The following ATRIP variants were observed in gnomAD, a reference collection of about 807,000 sequenced individuals.
The protein encoded by ATRIP is ATR interacting protein, also known as ATR-interacting protein.
ATRIP carries 44 observed loss-of-function variants against 78.1 expected under a neutral mutation model. The observed-to-expected ratio is 0.56, with a 90% CI of 0.44 to 0.72. The LOEUF (loss-of-function observed/expected upper bound fraction) is 0.72, where lower values mean the gene tolerates loss of function less well. Among genes scored for constraint, ATRIP ranks in the 30% least tolerant of loss-of-function variants. The pLI, the probability that ATRIP is intolerant of heterozygous loss-of-function variation, is 0.00. For synonymous variants in ATRIP, 388 were observed against 408.9 expected, an observed-to-expected ratio of 0.95 and a Z score of 0.62; for missense variants, 927 against 980.2, an observed-to-expected ratio of 0.95 and a Z score of 0.72.
chr3:48,454,902 A>T (rs13072012), intron 4 of ATRIP, among the ~76,000 whole-genome samples: 73,786 of 149,742 alleles, frequency 0.49, 19,387 homozygotes, highest in East Asian at 0.7. Context: ...TCGCTCTGTC[A>T]CCCAGGCTGG....
chr3:48,448,737 C>T (rs2039752592), intron 1 of ATRIP, among the ~76,000 whole-genome samples: 1 of 152,268 alleles, frequency 6.6e-6, no homozygotes, highest in Non-Finnish European at 1.5e-5. Context: ...ACTTGTCCTT[C>T]AGCTCTCAGC....
chr3:48,458,024 C>G lies in ATRIP; in HGVS notation c.829+608C>G, dbSNP rs539423117. Reference sequence around the variant, plus strand: ...TATCTCCTAATGCTATCCCTCCCCCCTCCTCCCAAGCTTATACCTTTTGAA... The same window carrying G: ...TATCTCCTAATGCTATCCCTCCCCCGTCCTCCCAAGCTTATACCTTTTGAA... On this transcript the variant is annotated intron_variant, in intron 5 of 12. Coordinates refer to ENST00000320211, the MANE Select transcript of ATRIP (RefSeq NM_130384.3). 2.0e-5 allele frequency among the ~76,000 whole-genome samples: 3 copies of G among 151,848 alleles called. No individual in the cohort carries two copies. In the East Asian group the frequency reaches 5.8e-4, roughly 29 times the overall value.
intron 1 of ATRIP, among the ~76,000 whole-genome samples, chr3:48,448,396 TC>T (rs2039741769): frequency 6.6e-6 from 1 of 152,176 alleles, no homozygotes; most frequent in African/African-American, 2.4e-5. Context: ...GCCAGGCTGG[TC>T]TCAAACTGCT....
At chr3:48,450,930 T>C (rs1429068378) in intron 2 of ATRIP, among the ~76,000 whole-genome samples, 1 of 151,678 alleles carries the variant, frequency 6.6e-6, no homozygotes, top group Non-Finnish European at 1.5e-5. Context: ...GGCTCACACC[T>C]GTAATCCCAG....
chr3:48,452,198 G>A (rs2039852232), intron 3 of ATRIP, among the ~76,000 whole-genome samples: 1 of 152,210 alleles, frequency 6.6e-6, no homozygotes, highest in African/African-American at 2.4e-5. Flanking sequence ...AACTGACCTG[G>A]CTTAGGCTAA....
intron 1 of ATRIP, among the ~76,000 whole-genome samples, chr3:48,449,592 C>T (rs567215618): frequency 6.6e-5 from 10 of 151,352 alleles, no homozygotes; most frequent in African/African-American, 2.2e-4. Flanking sequence ...CAAGACCAAC[C>T]TGGGCAACAT....
chr3:48,455,107 C>T (rs1033081946), intron 4 of ATRIP, among the ~76,000 whole-genome samples: 1 of 152,158 alleles, frequency 6.6e-6, no homozygotes. Flanking sequence ...AAATGATTTG[C>T]CAGCCTGGGC....
chr3:48,459,505 A>G, intron 6 of ATRIP, 51 bp downstream of exon 6: 1 of 1,543,114 alleles, frequency 6.5e-7, no homozygotes, highest in South Asian at 1.1e-5. Flanking sequence ...TCTGAGTAAT[A>G]TGCAGAAGAA....
intron 5 of ATRIP, among the ~76,000 whole-genome samples, chr3:48,458,447 C>T (rs946632470): frequency 2.0e-5 from 3 of 152,006 alleles, no homozygotes; most frequent in Non-Finnish European, 4.4e-5. Context: ...CTCAGCCTCC[C>T]GAGTAGCTGG....
At chr3:48,459,100 T>C (rs2040030004) in intron 5 of ATRIP, among the ~76,000 whole-genome samples, 1 of 152,238 alleles carries the variant, frequency 6.6e-6, no homozygotes, top group Non-Finnish European at 1.5e-5. Context: ...ACCATGTCAA[T>C]GTTAGTGGTC....
chr3:48,465,582 C>T lies in ATRIP; in HGVS notation c.*28C>T. 1.3e-6 allele frequency: 2 copies of T among 1,575,070 alleles called. No homozygotes were observed. Among genetic ancestry groups the T allele is most frequent in the Non-Finnish European group, 1.7e-6 (2 of 1,144,668 alleles). On this transcript the variant is annotated 3_prime_UTR_variant, in exon 13 of 13. Coordinates refer to ENST00000320211, the MANE Select transcript of ATRIP (RefSeq NM_130384.3). ...CCCTGAGTGTCCAGCCACATGGTGG[C>T]ACCAGCACCACTCCTTTCCTTACCA...
In ATRIP at chr3:48,466,582, G is replaced by A. The variant is rs367854994; in HGVS notation, c.*1028G>A. 2.2e-5 allele frequency: 36 copies of A among 1,613,312 alleles called. No homozygotes were observed. The highest frequency in any genetic ancestry group is 1.2e-4 in the African/African-American group (9 of 74,660). ...CCCCCTACCCCACTCCCTCCCCTTC[G>A]GATCTTAACACTGGGCACTCACACA... On this transcript the variant is annotated 3_prime_UTR_variant, in exon 13 of 13. Transcript: ENST00000320211.
chr3:48,466,476 A>ACTT lies in ATRIP; in HGVS notation c.*924_*926dup. The ACTT allele has an allele frequency of 6.2e-7, 1 of 1,613,874 alleles. No individual in the cohort carries two copies. On this transcript the variant is annotated 3_prime_UTR_variant, in exon 13 of 13. Coordinates refer to ENST00000320211, the MANE Select transcript of ATRIP (RefSeq NM_130384.3). ...TAAGGAAACCACCTCACCCTCTCCA[A>ACTT]CTTCCTGCCTGAAAATGGGCCCTGG... is the stretch of plus-strand genomic sequence containing the variant.
intron 2 of ATRIP, chr3:48,450,588 G>GT: frequency 5.0e-6 from 5 of 990,810 alleles, no homozygotes; most frequent in Admixed American, 3.2e-5. Flanking sequence ...ATGTGACCCA[G>GT]ATTTTTTTTT....
chr3:48,446,860 C>CAT lies in ATRIP; in HGVS notation c.15_16insAT (p.Ala6MetfsTer67). 12 of 1,401,864 alleles carry CAT rather than the reference C, an allele frequency of 8.6e-6. No individual in the cohort carries two copies. Among genetic ancestry groups the CAT allele is most frequent in the Non-Finnish European group, 1.1e-5 (12 of 1,080,132 alleles). The allele number at this position is 1,401,864 out of a possible 1,614,324, so 86.8% of individuals were successfully genotyped here. A position where few individuals can be genotyped will look rare whatever the true frequency, so the allele number is the denominator to read the frequency against. Reference sequence around the variant, plus strand: ...GAGCGGAAAGCATGGCGGGGACCTCCGCGCCAGGCAGCAAGAGGCGGAGCG... The same window carrying CAT: ...GAGCGGAAAGCATGGCGGGGACCTCCATGCGCCAGGCAGCAAGAGGCGGAGCG... On this transcript the variant is annotated frameshift_variant, in exon 1 of 13. Coordinates refer to ENST00000320211, the MANE Select transcript of ATRIP (RefSeq NM_130384.3). LOFTEE classifies it high-confidence loss of function.
chr3:48,448,613 C>A (rs1436374779), intron 1 of ATRIP, among the ~76,000 whole-genome samples: 1 of 152,280 alleles, frequency 6.6e-6, no homozygotes, highest in East Asian at 1.9e-4. Flanking sequence ...GCTGCACTAA[C>A]ATTCTTTGAA....
At chr3:48,465,395 GT>G (rs2040252319) in intron 12 of ATRIP, 91 bp from the exon 13 acceptor site, 1 of 1,331,888 alleles carries the variant, frequency 7.5e-7, no homozygotes, top group African/African-American at 1.4e-5. Context: ...GGACTGGTTA[GT>G]TCCTGCGGAC....
In ATRIP at chr3:48,446,973, C is replaced by G; in HGVS notation, c.128C>G (p.Pro43Arg). Residue 43 changes from proline (P) to arginine (R), a missense_variant, in exon 1 of 13, where the codon CCG becomes CGG. By Grantham distance (103) the Pro-to-Arg change is moderately radical. Coordinates refer to ENST00000320211, the MANE Select transcript of ATRIP (RefSeq NM_130384.3). ...RARGFSAAAA[P>R]DPDDPFGAHG... is the part of the protein sequence containing the mutation. The stretch of plus-strand genomic sequence containing the variant: ...CGGGGCTTCTCCGCAGCCGCTGCCC[C>G]GGACCCTGACGACCCGTTCGGCGCG... 1.3e-6 allele frequency: 2 copies of G among 1,565,814 alleles called. No individual in the cohort carries two copies. The highest frequency in any genetic ancestry group is 1.7e-6 in the Non-Finnish European group (2 of 1,159,720).
rs970991529 is a variant in ATRIP at position 48,460,053 on chromosome 3, CT to C, written c.1056-56del. On this transcript the variant is annotated intron_variant, in intron 7 of 12. Coordinates refer to ENST00000320211, the MANE Select transcript of ATRIP (RefSeq NM_130384.3). Reference sequence around the variant, plus strand: ...AATTTGGCAGGCAGGCTGTTTGGGGCTCTTGACCTTATCTCCATCCCACACT... The same window carrying C: ...AATTTGGCAGGCAGGCTGTTTGGGGCCTTGACCTTATCTCCATCCCACACT... 17 of 1,565,886 alleles carry C rather than the reference CT, an allele frequency of 1.1e-5. No individual in the cohort carries two copies. In the African/African-American group the frequency reaches 2.2e-4, roughly 20 times the overall value.
Sources: gnomAD v4.1 joint callset for allele counts (sites outside exome capture counted in the v4.1 genomes callset) on GRCh38, gnomAD v4.1.1 for gene constraint, MANE v1.5 for transcripts, NCBI Gene and HGNC (gene_info 2026-07-23, HGNC 2026-07-21) for gene names.